ZNHIT6: variants seen among roughly 807,000 people sequenced by gnomAD.
ZNHIT6 encodes the protein zinc finger HIT-type containing 6.
A neutral mutation model predicts 57.2 loss-of-function variants in ZNHIT6; 45 were observed. The observed-to-expected ratio is 0.79, with a 90% CI of 0.62 to 1.01. The LOEUF (loss-of-function observed/expected upper bound fraction) is 1.01, where lower values mean the gene tolerates loss of function less well. Among genes scored for constraint, ZNHIT6 ranks in the 50% least tolerant of loss-of-function variants. ZNHIT6 has a pLI of 0.00. For synonymous variants in ZNHIT6, 188 were observed against 190.0 expected, an observed-to-expected ratio of 0.99 and a Z score of 0.09; for missense variants, 528 against 567.3, an observed-to-expected ratio of 0.93 and a Z score of 0.70.
rs928215024 is a variant in ZNHIT6 at position 85,652,619 on chromosome 1, T to G, written c.*1439A>C. 6.6e-5 allele frequency: 10 copies of G among 152,232 alleles called. No individual in the cohort carries two copies. Among genetic ancestry groups the G allele is most frequent in the Admixed American group, 2.0e-4 (3 of 15,280 alleles). 9.4% of individuals were successfully genotyped at this position (152,232 alleles called of 1,614,324 possible). A position where few individuals can be genotyped will look rare whatever the true frequency, so the allele number is the denominator to read the frequency against. On this transcript the variant is annotated 3_prime_UTR_variant, in exon 10 of 10. Transcript: ENST00000370574. ...CAGTTTCTACCCCAAGTTATACTTG[T>G]GTCCCACAAATTTATCTTCTGCTCA...
intron 8 of ZNHIT6, among the ~76,000 whole-genome samples, chr1:85,660,320 T>G (rs1661190288): frequency 6.6e-6 from 1 of 152,182 alleles, no homozygotes; most frequent in Non-Finnish European, 1.5e-5. Context: ...TTTAGCTAAA[T>G]CATAAGGCTT....
intron 5 of ZNHIT6, among the ~76,000 whole-genome samples, chr1:85,687,304 A>AAAAAAAAAAAAAAAAC (rs1557861153): frequency 1.4e-5 from 2 of 142,582 alleles, no homozygotes; most frequent in Non-Finnish European, 1.5e-5. Flanking sequence ...AAAAACAAAA[A>AAAAAAAAAAAAAAAAC]AAAAAAACAA....
At chr1:85,679,121 A>G (rs1661790156) in intron 6 of ZNHIT6, among the ~76,000 whole-genome samples, 1 of 152,222 alleles carries the variant, frequency 6.6e-6, no homozygotes, top group Admixed American at 6.5e-5. Flanking sequence ...AGCAGAAATA[A>G]TAAATCTGAA....
chr1:85,684,830 T>C (rs1384584957), intron 5 of ZNHIT6, among the ~76,000 whole-genome samples: 1 of 152,198 alleles, frequency 6.6e-6, no homozygotes, highest in Non-Finnish European at 1.5e-5. Flanking sequence ...TTTGACTTCA[T>C]AACTTCAAAT....
chr1:85,653,768 G>C lies in ZNHIT6; in HGVS notation c.*290C>G, dbSNP rs939125440. ...AAAAGAAAGAAAAAAGAAAAAAAAA[G>C]TTTTCAGTTTATGGAATTAAGCAAT... On this transcript the variant is annotated 3_prime_UTR_variant, in exon 10 of 10. Transcript: ENST00000370574. 3.4e-6 allele frequency: 1 copy of C among 292,268 alleles called. No homozygotes were observed. Among genetic ancestry groups the C allele is most frequent in the Admixed American group, 5.2e-5 (1 of 19,366 alleles). The allele number at this position is 292,268 out of a possible 1,614,324, so 18.1% of individuals were successfully genotyped here. A position where few individuals can be genotyped will look rare whatever the true frequency, so the allele number is the denominator to read the frequency against.
chr1:85,689,939 C>T (rs559924373), intron 5 of ZNHIT6, among the ~76,000 whole-genome samples: 3 of 152,174 alleles, frequency 2.0e-5, no homozygotes, highest in Admixed American at 6.5e-5. Flanking sequence ...TATATGCATA[C>T]CAAAAATGAA....
At chr1:85,670,549 G>A (rs1661531120) in intron 8 of ZNHIT6, among the ~76,000 whole-genome samples, 2 of 152,178 alleles carry the variant, frequency 1.3e-5, no homozygotes, top group Non-Finnish European at 2.9e-5. Flanking sequence ...ATATAAAAAT[G>A]AAGATGCCTA....
rs1422583001 is a variant in ZNHIT6, at chr1:85,708,098, C to T, written c.187G>A (p.Gly63Arg). The T allele has an allele frequency of 6.2e-7, 1 of 1,614,102 alleles. No individual in the cohort carries two copies. Among genetic ancestry groups the T allele is most frequent in the South Asian group, 1.1e-5 (1 of 91,072 alleles). ...GIKEIGDGEEGSGQRPEEIPM... is the reference protein window; with the variant it reads ...GIKEIGDGEERSGQRPEEIPM... ...ATTTCCTCTGGCCTTTGTCCACTTC[C>T]TTCCTCTCCATCCCCTATCTCCTTT... is the stretch of plus-strand genomic sequence containing the variant. Residue 63 changes from glycine to arginine, a missense_variant, in exon 1 of 10, where the codon GGA becomes AGA. Gly to Arg is a moderately radical substitution (Grantham distance 125). Coordinates refer to ENST00000370574, the MANE Select transcript of ZNHIT6 (RefSeq NM_017953.4).
rs367625769 is a variant in ZNHIT6, at chr1:85,667,847, T to C, written c.1247+9389A>G. Among the ~76,000 whole-genome samples, 14 of 149,376 alleles carry C rather than the reference T, an allele frequency of 9.4e-5. 1 individual carries two copies. The highest frequency in any genetic ancestry group is 1.7e-4 in the African/African-American group (7 of 40,634). Reference sequence around the variant, plus strand: ...TACTTGGGAGGCTGAGGCACGAGAATTGCTTGAATCCAAAAGCCAGAGGTT... The same window carrying C: ...TACTTGGGAGGCTGAGGCACGAGAACTGCTTGAATCCAAAAGCCAGAGGTT... On this transcript the variant is annotated intron_variant, in intron 8 of 9. Transcript: ENST00000370574.
At chr1:85,684,423 T>G (rs1661967288) in intron 5 of ZNHIT6, among the ~76,000 whole-genome samples, 1 of 152,198 alleles carries the variant, frequency 6.6e-6, no homozygotes, top group East Asian at 1.9e-4. Flanking sequence ...AAACTGGTTC[T>G]CTGAAGGGCC....
At chr1:85,661,351 G>A (rs1367311147) in intron 8 of ZNHIT6, among the ~76,000 whole-genome samples, 2 of 152,176 alleles carry the variant, frequency 1.3e-5, no homozygotes, top group African/African-American at 2.4e-5. Flanking sequence ...GATAATGACA[G>A]TATCACTTCA....
intron 8 of ZNHIT6, among the ~76,000 whole-genome samples, chr1:85,665,593 T>TA (rs1249865515): frequency 6.6e-6 from 1 of 152,182 alleles, no homozygotes; most frequent in African/African-American, 2.4e-5. Context: ...TATTGTTAAT[T>TA]ATTTGTTTCT....
intron 8 of ZNHIT6, among the ~76,000 whole-genome samples, chr1:85,661,349 C>T (rs1298187510): frequency 6.6e-6 from 1 of 152,142 alleles, no homozygotes; most frequent in African/African-American, 2.4e-5. Flanking sequence ...GGGATAATGA[C>T]AGTATCACTT....
intron 5 of ZNHIT6, among the ~76,000 whole-genome samples, chr1:85,688,355 T>G (rs748820748): frequency 6.6e-6 from 1 of 152,208 alleles, no homozygotes; most frequent in Non-Finnish European, 1.5e-5. Context: ...CTCTTAACTC[T>G]AGAGTCCATA....
chr1:85,657,175 G>A (rs986006668), intron 9 of ZNHIT6, among the ~76,000 whole-genome samples: 9 of 152,036 alleles, frequency 5.9e-5, no homozygotes, highest in African/African-American at 2.2e-4. Context: ...ACTTTAATCA[G>A]TAGTTACAAA....
chr1:85,705,284 G>C (rs1662653150), intron 4 of ZNHIT6, among the ~76,000 whole-genome samples: 1 of 152,086 alleles, frequency 6.6e-6, no homozygotes, highest in African/African-American at 2.4e-5. Flanking sequence ...CGCAATCATG[G>C]CTCACTGCAG....
chr1:85,693,733 T>C (rs112436166), intron 5 of ZNHIT6, among the ~76,000 whole-genome samples: 5 of 152,326 alleles, frequency 3.3e-5, no homozygotes, highest in African/African-American at 1.2e-4. Flanking sequence ...TTCTCAATAG[T>C]GGCAAAAGAA....
In ZNHIT6 at chr1:85,677,396, C is replaced by A. The variant is rs1661734473; in HGVS notation, c.1170-83G>T. The A allele has an allele frequency of 3.0e-6, 3 of 993,010 alleles. No individual in the cohort carries two copies. In the South Asian group the frequency reaches 6.7e-5, roughly 22 times the overall value. The allele number at this position is 993,010 out of a possible 1,614,324, so 61.5% of individuals were successfully genotyped here. ...TCTTATGGAGACTAAGCATTTGTAC[C>A]TAATAATACTTAAAAGTTCATGTAT... On this transcript the variant is annotated intron_variant, in intron 7 of 9. Transcript: ENST00000370574.
At chr1:85,690,649 TAAG>T (rs1428524500) in intron 5 of ZNHIT6, among the ~76,000 whole-genome samples, 1 of 152,182 alleles carries the variant, frequency 6.6e-6, no homozygotes, top group Non-Finnish European at 1.5e-5. Flanking sequence ...TAATTGAGAA[TAAG>T]GTCATTGACT....
Sources: allele counts gnomAD v4.1 joint callset (sites outside exome capture counted in the v4.1 genomes callset), GRCh38; gene constraint gnomAD v4.1.1; transcripts MANE v1.5; gene names NCBI Gene and HGNC (gene_info 2026-07-23, HGNC 2026-07-21).